Variants in PCDHGB5 observed in about 807,000 individuals in gnomAD.
PCDHGB5 encodes the protein protocadherin gamma-B5.
Under a neutral mutation model 62.9 loss-of-function variants are expected in PCDHGB5, and 48 were observed. That is an observed-to-expected ratio of 0.76 (90% CI 0.61 to 0.97). The LOEUF (loss-of-function observed/expected upper bound fraction) is 0.97. PCDHGB5 is among the 50% of genes least tolerant of loss of function. The pLI is 0.00. For synonymous variants in PCDHGB5, 474 were observed against 511.2 expected, an observed-to-expected ratio of 0.93 and a Z score of 0.98; for missense variants, 1,118 against 1,198.6, an observed-to-expected ratio of 0.93 and a Z score of 0.99.
rs1011731430 is a variant in PCDHGB5, at chr5:141,489,676, G to A, written c.2398-5131G>A. 6.2e-7 allele frequency: 1 copy of A among 1,614,158 alleles called. No individual in the cohort carries two copies. The highest frequency in any genetic ancestry group is 8.5e-7 in the Non-Finnish European group (1 of 1,180,008). On this transcript the variant is annotated intron_variant, in intron 1 of 3. Coordinates refer to ENST00000617380, the MANE Select transcript of PCDHGB5 (RefSeq NM_018925.3). This position sits in a 1 kb window ranked among gnomAD's most constrained non-coding sequence, Gnocchi z 4.5. ...GCGAGAGATGCGCATCTCAGAATCAGCAGCATCTGGGGCACGATTCCCACT... is the reference window on the plus strand; with the variant it reads ...GCGAGAGATGCGCATCTCAGAATCAACAGCATCTGGGGCACGATTCCCACT...
At chr5:141,504,303 G>A (rs1157625808) in intron 2 of PCDHGB5, among the ~76,000 whole-genome samples, 4 of 151,938 alleles carry the variant, frequency 2.6e-5, no homozygotes, top group Admixed American at 2.6e-4. Context: ...TTCAACACTC[G>A]GAGTTTCTAA....
intron 1 of PCDHGB5, chr5:141,441,945 G>A: frequency 3.0e-6 from 1 of 333,884 alleles, no homozygotes; most frequent in Non-Finnish European, 5.8e-6. Flanking sequence ...ACCACGTGCT[G>A]CAGGCCAGCA....
chr5:141,398,966 C>T lies in PCDHGB5; in HGVS notation c.839C>T (p.Ser280Phe). Reference protein sequence around the residue: ...DEGINSEITYSFYRTGQIFSL... With the variant: ...DEGINSEITYFFYRTGQIFSL... ...GGCATCAACTCAGAAATTACTTATT[C>T]CTTCTACAGAACCGGGCAAATCTTT... Residue 280 changes from serine (S) to phenylalanine (F), a missense_variant, in exon 1 of 4, where the codon TCC becomes TTC. This residue lies in a region of PCDHGB5 where 1,034 missense variants were observed against 1,029.1 expected (regional missense o/e 1.00). Transcript: ENST00000617380. The T allele has an allele frequency of 6.2e-7, 1 of 1,613,962 alleles. No individual in the cohort carries two copies. Among genetic ancestry groups the T allele is most frequent in the Non-Finnish European group, 8.5e-7 (1 of 1,179,896 alleles).
chr5:141,477,193 C>G lies in PCDHGB5; in HGVS notation c.2398-17614C>G. The G allele has an allele frequency of 6.2e-7, 1 of 1,614,176 alleles. No homozygotes were observed. Among genetic ancestry groups the G allele is most frequent in the Non-Finnish European group, 8.5e-7 (1 of 1,180,036 alleles). On this transcript the variant is annotated intron_variant, in intron 1 of 3. Transcript: ENST00000617380. This position sits in a 1 kb window ranked among gnomAD's most constrained non-coding sequence, Gnocchi z 4.9. ...AGATCACAGTCACCTCCGTGTACAG[C>G]CCAGTACCCGAGGATGCCCCTCTGG...
In PCDHGB5 at chr5:141,485,956, C is replaced by T. The variant is rs1430530851; in HGVS notation, c.2398-8851C>T. 1 of 1,614,150 alleles carries T rather than the reference C, an allele frequency of 6.2e-7. No individual in the cohort carries two copies. Among genetic ancestry groups the T allele is most frequent in the South Asian group, 1.1e-5 (1 of 91,074 alleles). ...AGAGCGCACCAGCGGGCATGGTGCT[C>T]ATCCAGCTCAATGCCTCAGACCCGG... On this transcript the variant is annotated intron_variant, in intron 1 of 3. Coordinates refer to ENST00000617380, the MANE Select transcript of PCDHGB5 (RefSeq NM_018925.3). This position sits in a 1 kb window ranked among gnomAD's most constrained non-coding sequence, Gnocchi z 5.7.
At chr5:141,414,241 C>T in intron 1 of PCDHGB5, 1 of 1,613,472 alleles carries the variant, frequency 6.2e-7, no homozygotes, top group Non-Finnish European at 8.5e-7. Context: ...CATCACGTCT[C>T]TATTTAGTCC....
chr5:141,422,961 G>A, intron 1 of PCDHGB5: 1 of 1,614,234 alleles, frequency 6.2e-7, no homozygotes, highest in Non-Finnish European at 8.5e-7. Flanking sequence ...GCGTGGAGCT[G>A]GCGCCCCGCT....
At chr5:141,492,163 C>G (rs921256341) in intron 1 of PCDHGB5, among the ~76,000 whole-genome samples, 3 of 152,232 alleles carry the variant, frequency 2.0e-5, no homozygotes, top group Admixed American at 6.5e-5. Flanking sequence ...CCTCCCTATC[C>G]CCGCATCACC....
chr5:141,489,271 G>A lies in PCDHGB5; in HGVS notation c.2398-5536G>A, dbSNP rs1431562179. The A allele has an allele frequency of 2.4e-5, 37 of 1,554,676 alleles. No individual in the cohort carries two copies. The highest frequency in any genetic ancestry group is 3.0e-5 in the Non-Finnish European group (35 of 1,150,770). ...GCCCAAGACACTCCCACAGCTCGCT[G>A]GGAAATGGCAAGTGCTGTGCATGTT... On this transcript the variant is annotated intron_variant, in intron 1 of 3. Transcript: ENST00000617380. The surrounding 1 kb of genome is among the most constrained non-coding windows in gnomAD (Gnocchi z 4.5).
chr5:141,480,407 C>T (rs906445993), intron 1 of PCDHGB5, among the ~76,000 whole-genome samples: 1 of 139,782 alleles, frequency 7.2e-6, no homozygotes, highest in Admixed American at 7.0e-5. Context: ...AGAGTGAGAC[C>T]CTGTCTCAAA....
chr5:141,418,087 C>T (rs2096220274), intron 1 of PCDHGB5: 9 of 1,613,894 alleles, frequency 5.6e-6, no homozygotes, highest in Non-Finnish European at 7.6e-6. Flanking sequence ...TGCACTTCAG[C>T]GTAGACGCGC....
Position 141,397,978 on chromosome 5 carries a change from C to G in PCDHGB5, c.-150C>G. ...CCAGCTCAGACTCCCCAGCGCCGGC[C>G]TTTACACCGCTTCCTCCTCGGAAAA... On this transcript the variant is annotated 5_prime_UTR_variant, in exon 1 of 4. Transcript: ENST00000617380. 7.9e-7 allele frequency: 1 copy of G among 1,261,722 alleles called. No individual in the cohort carries two copies. Among genetic ancestry groups the G allele is most frequent in the Non-Finnish European group, 1.1e-6 (1 of 926,580 alleles). The allele number at this position is 1,261,722 out of a possible 1,614,324, so 78.2% of individuals were successfully genotyped here.
intron 1 of PCDHGB5, among the ~76,000 whole-genome samples, chr5:141,461,980 C>G (rs759291534): frequency 9.2e-5 from 14 of 152,176 alleles, no homozygotes; most frequent in Non-Finnish European, 1.5e-4. Flanking sequence ...TATGCCACCA[C>G]GCCAGGCTAA....
In PCDHGB5 at chr5:141,432,733, C is replaced by T; in HGVS notation, c.2397+32209C>T. 1 of 1,614,094 alleles carries T rather than the reference C, an allele frequency of 6.2e-7. No individual in the cohort carries two copies. Among genetic ancestry groups the T allele is most frequent in the Middle Eastern group, 1.6e-4 (1 of 6,062 alleles). ...GCCAGCCCCCTCTCTCCGCCACTGTCACGCTCACCGTGGCCGTGGCCGACA... is the reference window on the plus strand; with the variant it reads ...GCCAGCCCCCTCTCTCCGCCACTGTTACGCTCACCGTGGCCGTGGCCGACA... On this transcript the variant is annotated intron_variant, in intron 1 of 3. Coordinates refer to ENST00000617380, the MANE Select transcript of PCDHGB5 (RefSeq NM_018925.3). The surrounding 1 kb of genome is among the most constrained non-coding windows in gnomAD (Gnocchi z 6.0).
chr5:141,489,126 T>G lies in PCDHGB5; in HGVS notation c.2398-5681T>G. 31 of 585,108 alleles carry G rather than the reference T, an allele frequency of 5.3e-5. No homozygotes were observed. Among genetic ancestry groups the G allele is most frequent in the South Asian group, 1.3e-4 (4 of 31,402 alleles). 36.2% of individuals were successfully genotyped at this position (585,108 alleles called of 1,614,324 possible). On this transcript the variant is annotated intron_variant, in intron 1 of 3. Transcript: ENST00000617380. The surrounding 1 kb of genome is among the most constrained non-coding windows in gnomAD (Gnocchi z 4.5). ...TGCAAGCAGGCAAACCTCCGAGCAG[T>G]TTTTAAGAGGCTGGAAGGAGACATA...
chr5:141,408,108 A>T, intron 1 of PCDHGB5: 1 of 1,441,874 alleles, frequency 6.9e-7, no homozygotes, highest in Non-Finnish European at 9.1e-7. Flanking sequence ...GAGACCCGGG[A>T]CTCCTCCTGT....
intron 1 of PCDHGB5, chr5:141,419,150 C>T (rs1276109093): frequency 1.2e-6 from 2 of 1,613,850 alleles, no homozygotes; most frequent in Admixed American, 3.3e-5. Flanking sequence ...GGGCAAGCCT[C>T]CGTTATCCTC....
intron 1 of PCDHGB5, among the ~76,000 whole-genome samples, chr5:141,429,890 C>A (rs2097251428): frequency 6.6e-6 from 1 of 152,112 alleles, no homozygotes; most frequent in African/African-American, 2.4e-5. Context: ...GTTTCCTGAA[C>A]AATAAATATT....
At chr5:141,480,198 G>A (rs1280951298) in intron 1 of PCDHGB5, among the ~76,000 whole-genome samples, 2 of 150,780 alleles carry the variant, frequency 1.3e-5, no homozygotes, top group African/African-American at 4.9e-5. Flanking sequence ...GAGGCCAGCA[G>A]TTCAAGACCA....
Sources: allele counts gnomAD v4.1 joint callset (sites outside exome capture counted in the v4.1 genomes callset), GRCh38; gene constraint gnomAD v4.1.1; regional missense constraint gnomAD v4.1.1; non-coding constraint Gnocchi (gnomAD v3.1); transcripts MANE v1.5; gene names NCBI Gene and HGNC (gene_info 2026-07-23, HGNC 2026-07-21).